BPHL: variants seen among roughly 807,000 people sequenced by gnomAD.
The protein encoded by BPHL is biphenyl hydrolase like, also known as serine hydrolase BPHL.
A neutral mutation model predicts 31.2 loss-of-function variants in BPHL; 27 were observed. The observed-to-expected ratio is 0.87, with a 90% CI of 0.64 to 1.19. The LOEUF is 1.19. Ranked by LOEUF, BPHL falls within the 50% of genes most tolerant of loss-of-function variation. The pLI is 0.00. For missense variants in BPHL, 356 were observed against 375.7 expected (o/e 0.95, Z 0.43); for synonymous variants, 150 against 146.8 (o/e 1.02, Z -0.16).
At chr6:3,119,376 T>A in intron 1 of BPHL, 4 of 1,588,696 alleles carry the variant, frequency 2.5e-6, no homozygotes, top group Non-Finnish European at 3.4e-6. Context: ...CGTACCTTAA[T>A]GTGCAAAAGA....
In BPHL at chr6:3,149,960, A is replaced by G. The variant is rs1762476754; in HGVS notation, c.789-2528A>G. ...CTTTTTCTTAGGTGGGGCTTTCTAGAAGAAGCAGAATGAAAAAGGAAAATA... is the reference window on the plus strand; with the variant it reads ...CTTTTTCTTAGGTGGGGCTTTCTAGGAGAAGCAGAATGAAAAAGGAAAATA... On this transcript the variant is annotated intron_variant, in intron 6 of 6. Coordinates refer to ENST00000380379, the MANE Select transcript of BPHL (RefSeq NM_004332.4). This position sits in a 1 kb window ranked among gnomAD's most constrained non-coding sequence, Gnocchi z 4.6. The G allele has an allele frequency of 6.6e-6, 1 of 152,166 alleles. No individual in the cohort carries two copies. The highest frequency in any genetic ancestry group is 2.1e-4 in the South Asian group (1 of 4,816). The allele number at this position is 152,166 out of a possible 1,614,324, so 9.4% of individuals were successfully genotyped here.
intron 1 of BPHL, chr6:3,119,436 A>G (rs753138122): frequency 1.9e-6 from 3 of 1,611,646 alleles, no homozygotes; most frequent in Non-Finnish European, 2.5e-6. Context: ...CTCCCAGAGG[A>G]TCTGATCTAC....
rs1185958687 is a variant in BPHL at position 3,152,611 on chromosome 6, G to A, written c.*36G>A. On this transcript the variant is annotated 3_prime_UTR_variant, in exon 7 of 7. Transcript: ENST00000380379. ...TCCAGTCTTGGTGGTTCCTTCGTGT[G>A]GGGCTTGATCGTGTTGCTGCCTGTT... is the stretch of plus-strand genomic sequence containing the variant. The A allele has an allele frequency of 5.7e-6, 9 of 1,582,386 alleles. No homozygotes were observed. The highest frequency in any genetic ancestry group is 1.4e-5 in the African/African-American group (1 of 73,748).
upstream of BPHL, chr6:3,118,393 A>C: frequency 9.5e-6 from 2 of 210,082 alleles, no homozygotes; most frequent in East Asian, 1.0e-4. Flanking sequence ...CGAGGGCGCT[A>C]TGGCTGGCGG....
At position 3,140,239 on chromosome 6, in the gene BPHL, A is replaced by G. The variant is rs147327936; in HGVS notation, c.665-147A>G. ...CCAAAGAATGTTAGAGCTGGAAGGA[A>G]TCCCAGGCACGGTCAAATCCAAAAC... On this transcript the variant is annotated intron_variant, in intron 5 of 6. Transcript: ENST00000380379. The surrounding 1 kb of genome is among the most constrained non-coding windows in gnomAD (Gnocchi z 5.2). 7 of 979,770 alleles carry G rather than the reference A, an allele frequency of 7.1e-6. No homozygotes were observed. The East Asian group carries it at 1.9e-4, about 26-fold the overall frequency. 60.7% of individuals were successfully genotyped at this position (979,770 alleles called of 1,614,324 possible).
intron 5 of BPHL, chr6:3,138,919 C>T (rs986352917): frequency 1.3e-4 from 20 of 152,340 alleles, no homozygotes; most frequent in African/African-American, 3.6e-4. Flanking sequence ...CAGCGAGGGC[C>T]TTCGTGATGC....
intron 2 of BPHL, among the ~76,000 whole-genome samples, chr6:3,124,840 A>T (rs760903449): frequency 5.9e-5 from 9 of 152,166 alleles, no homozygotes; most frequent in African/African-American, 2.2e-4. Context: ...AAAAGGTTCC[A>T]CTTGACTGAG....
chr6:3,119,590 C>G (rs1028343593), intron 1 of BPHL: 1 of 1,572,822 alleles, frequency 6.4e-7, no homozygotes. Context: ...CCAAGAGATA[C>G]TGGGCAGAAA....
intron 6 of BPHL, among the ~76,000 whole-genome samples, chr6:3,148,607 C>T (rs1303238313): frequency 2.0e-5 from 3 of 152,222 alleles, no homozygotes; most frequent in Admixed American, 6.5e-5. Context: ...CAGTTCCCCA[C>T]CACTGGCATC....
chr6:3,123,711 G>A lies in BPHL; in HGVS notation c.162G>A (p.Gln54=). The A allele has an allele frequency of 6.2e-7, 1 of 1,613,682 alleles. No homozygotes were observed. Among genetic ancestry groups the A allele is most frequent in the Non-Finnish European group, 8.5e-7 (1 of 1,179,784 alleles). ...TGAATGGCGTTCAGCTGCATTACCA[G>A]CAGACTGGAGAGGGAGATCACGCAG... ...VAVNGVQLHY[Q]QTGEGDHAVL... The change falls in exon 2 of 7, where the codon CAG becomes CAA. Residue 54 remains glutamine, a synonymous_variant. Coordinates refer to ENST00000380379, the MANE Select transcript of BPHL (RefSeq NM_004332.4).
intron 6 of BPHL, 129 bp from the exon 7 acceptor site, chr6:3,152,359 C>T: frequency 2.7e-6 from 2 of 727,926 alleles, no homozygotes; most frequent in Admixed American, 2.8e-5. Flanking sequence ...CATTTTTCTC[C>T]TCGATAGTGG....
chr6:3,132,417 C>T (rs7751936), intron 4 of BPHL, among the ~76,000 whole-genome samples: 2,038 of 152,256 alleles, frequency 0.013, 31 homozygotes, highest in South Asian at 0.051. Flanking sequence ...GTCCTCCAGG[C>T]GTCACCCTCA....
chr6:3,147,913 G>T (rs1762425661), intron 6 of BPHL, among the ~76,000 whole-genome samples: 1 of 152,224 alleles, frequency 6.6e-6, no homozygotes, highest in Non-Finnish European at 1.5e-5. Context: ...CAATATCGCA[G>T]ACTGAAGGCC....
At chr6:3,142,496 T>C (rs1762208058) in intron 6 of BPHL, among the ~76,000 whole-genome samples, 1 of 152,226 alleles carries the variant, frequency 6.6e-6, no homozygotes, top group Non-Finnish European at 1.5e-5. Flanking sequence ...TATCTCCATA[T>C]AGCACTTAAT....
At chr6:3,124,608 T>A (rs150801355) in intron 2 of BPHL, among the ~76,000 whole-genome samples, 5 of 152,308 alleles carry the variant, frequency 3.3e-5, no homozygotes, top group African/African-American at 1.2e-4. Context: ...CCATATCTCA[T>A]GCAATGTAAA....
chr6:3,125,124 C>A (rs1761680284), intron 2 of BPHL, among the ~76,000 whole-genome samples: 1 of 151,474 alleles, frequency 6.6e-6, no homozygotes, highest in East Asian at 1.9e-4. Context: ...TGGTTCACCA[C>A]AACCTCTACC....
chr6:3,122,585 CAG>C (rs965992552), intron 1 of BPHL, among the ~76,000 whole-genome samples: 17 of 152,302 alleles, frequency 1.1e-4, no homozygotes, highest in African/African-American at 4.1e-4. Flanking sequence ...TCAGGCAGCA[CAG>C]ACACTGGCAT....
At chr6:3,128,493 A>T (rs1196975785) in intron 3 of BPHL, among the ~76,000 whole-genome samples, 1 of 151,784 alleles carries the variant, frequency 6.6e-6, no homozygotes, top group Non-Finnish European at 1.5e-5. Context: ...ATCTTTGTCC[A>T]TTTTCCCTGC....
Position 3,140,558 on chromosome 6 carries a change from A to G in BPHL, c.788+49A>G, listed in dbSNP as rs771164790. ...ACTCCCCCCGAGAGCCTCGGAGTCAATGGGCAAAGCTACTGGAAGGAAAAT... is the reference window on the plus strand; with the variant it reads ...ACTCCCCCCGAGAGCCTCGGAGTCAGTGGGCAAAGCTACTGGAAGGAAAAT... On this transcript the variant is annotated intron_variant, in intron 6 of 6. Transcript: ENST00000380379. This position sits in a 1 kb window ranked among gnomAD's most constrained non-coding sequence, Gnocchi z 5.2. 13 of 1,607,348 alleles carry G rather than the reference A, an allele frequency of 8.1e-6. No homozygotes were observed. Among genetic ancestry groups the G allele is most frequent in the Middle Eastern group, 3.3e-4 (2 of 6,032 alleles).
Sources: gnomAD v4.1 joint callset for allele counts (sites outside exome capture counted in the v4.1 genomes callset) on GRCh38, gnomAD v4.1.1 for gene constraint, Gnocchi (gnomAD v3.1) non-coding constraint, MANE v1.5 for transcripts, NCBI Gene and HGNC (gene_info 2026-07-23, HGNC 2026-07-21) for gene names.